RASSF3: variants seen among roughly 807,000 people sequenced by gnomAD.
RASSF3 encodes the protein Ras association domain family member 3.
RASSF3 carries 19 observed loss-of-function variants against 19.9 expected under a neutral mutation model. The observed-to-expected ratio is 0.96, with a 90% CI of 0.67 to 1.40. RASSF3 has a LOEUF of 1.40. RASSF3 is among the 40% of genes most tolerant of loss of function. RASSF3 has a pLI of 0.00. For missense variants in RASSF3, 306 were observed against 289.8 expected, an observed-to-expected ratio of 1.06 and a Z score of -0.41; for synonymous variants, 110 against 104.2, an observed-to-expected ratio of 1.06 and a Z score of -0.34.
intron 1 of RASSF3, among the ~76,000 whole-genome samples, chr12:64,666,759 A>C (rs1872548102): frequency 6.6e-6 from 1 of 152,226 alleles, no homozygotes; most frequent in African/African-American, 2.4e-5. Flanking sequence ...TGAAGGGCAG[A>C]ACCTGTGCTC....
intron 1 of RASSF3, among the ~76,000 whole-genome samples, chr12:64,611,809 G>GCA (rs1870375669): frequency 6.6e-6 from 1 of 152,196 alleles, no homozygotes; most frequent in Non-Finnish European, 1.5e-5. Context: ...CTGTCAGGGT[G>GCA]GTCTTGCCAG....
chr12:64,628,979 GGCTGGAGT>G (rs1871082103), intron 1 of RASSF3, among the ~76,000 whole-genome samples: 1 of 152,048 alleles, frequency 6.6e-6, no homozygotes, highest in South Asian at 2.1e-4. Context: ...TTGTCACCCA[GGCTGGAGT>G]GCAGTGGCGT....
intron 1 of RASSF3, among the ~76,000 whole-genome samples, chr12:64,642,034 G>A (rs1172202023): frequency 6.6e-6 from 1 of 152,018 alleles, no homozygotes; most frequent in South Asian, 2.1e-4. Context: ...GAGCCACCGT[G>A]CTCGGCCTGT....
At chr12:64,586,747 A>T (rs1468632381) in intron 2 of RASSF3, among the ~76,000 whole-genome samples, 1 of 151,730 alleles carries the variant, frequency 6.6e-6, no homozygotes, top group Non-Finnish European at 1.5e-5. Context: ...ACATGGTGAA[A>T]CCCCTTCCCT....
intron 1 of RASSF3, among the ~76,000 whole-genome samples, chr12:64,539,681 T>G (rs1592394203): frequency 1.3e-5 from 2 of 151,988 alleles, no homozygotes; most frequent in Admixed American, 1.3e-4. Context: ...GAGGCTGAGG[T>G]GGGAGGACTG....
intron 1 of RASSF3, among the ~76,000 whole-genome samples, chr12:64,524,867 G>A (rs1368680852): frequency 6.6e-6 from 1 of 152,230 alleles, no homozygotes; most frequent in African/African-American, 2.4e-5. Flanking sequence ...ATGGCAAGCT[G>A]AAGAGTTCAT....
chr12:64,678,313 A>G (rs1426269900), intron 1 of RASSF3, among the ~76,000 whole-genome samples: 1 of 152,230 alleles, frequency 6.6e-6, no homozygotes, highest in Non-Finnish European at 1.5e-5. Flanking sequence ...GCCTATTGCC[A>G]AAAGAGACGA....
At chr12:64,520,699 T>TA (rs901346497) in intron 1 of RASSF3, among the ~76,000 whole-genome samples, 5 of 149,490 alleles carry the variant, frequency 3.3e-5, no homozygotes, top group African/African-American at 7.4e-5. Context: ...TCTTGCTAGC[T>TA]AAAAAAAAGT....
chr12:64,531,988 G>A (rs759744970), upstream of RASSF3, among the ~76,000 whole-genome samples: 58 of 152,202 alleles, frequency 3.8e-4, 1 homozygote, highest in Non-Finnish European at 1.8e-4. Context: ...GAAAAGTAAA[G>A]TAATGCAATC....
intron 1 of RASSF3, among the ~76,000 whole-genome samples, chr12:64,640,401 G>A (rs1871473535): frequency 1.3e-5 from 2 of 152,108 alleles, no homozygotes; most frequent in African/African-American, 2.4e-5. Context: ...CACAGATCTC[G>A]AGGGCTTATT....
At chr12:64,626,918 A>G (rs1284793181) in intron 1 of RASSF3, among the ~76,000 whole-genome samples, 1 of 152,210 alleles carries the variant, frequency 6.6e-6, no homozygotes, top group African/African-American at 2.4e-5. Context: ...CAGTATGTTC[A>G]GTAGAAAGGT....
chr12:64,543,873 C>T (rs765458341), downstream of RASSF3, among the ~76,000 whole-genome samples: 1 of 151,976 alleles, frequency 6.6e-6, no homozygotes, highest in African/African-American at 2.4e-5. Flanking sequence ...CACTCTGTAC[C>T]TAGCTAATCT....
At chr12:64,653,773 C>T (rs1018480274) in intron 1 of RASSF3, among the ~76,000 whole-genome samples, 1 of 152,134 alleles carries the variant, frequency 6.6e-6, no homozygotes, top group Admixed American at 6.6e-5. Flanking sequence ...GTCTTGAATT[C>T]TTGGGCCTTA....
chr12:64,655,935 G>GA (rs1325932440), intron 1 of RASSF3, among the ~76,000 whole-genome samples: 1 of 150,458 alleles, frequency 6.6e-6, no homozygotes, highest in Non-Finnish European at 1.5e-5. Context: ...GCTAAGGCAG[G>GA]AAAATTGCTT....
At chr12:64,572,612 C>T (rs778593735) in intron 2 of RASSF3, among the ~76,000 whole-genome samples, 5 of 152,056 alleles carry the variant, frequency 3.3e-5, no homozygotes, top group Non-Finnish European at 7.4e-5. Context: ...AACCCCAGCA[C>T]CAAGCACAGA....
intron 2 of RASSF3, among the ~76,000 whole-genome samples, chr12:64,604,856 A>C (rs1007474851): frequency 2.7e-5 from 4 of 149,852 alleles, no homozygotes; most frequent in Non-Finnish European, 5.9e-5. Context: ...CGATCTCCTG[A>C]CCTTGTGATC....
chr12:64,670,548 T>C (rs1303074367), intron 1 of RASSF3, among the ~76,000 whole-genome samples: 1 of 149,944 alleles, frequency 6.7e-6, no homozygotes, highest in Non-Finnish European at 1.5e-5. Context: ...CTCTCTCTTT[T>C]TTTTTTTTTT....
At chr12:64,525,023 C>T (rs1868555825) in intron 1 of RASSF3, among the ~76,000 whole-genome samples, 1 of 152,196 alleles carries the variant, frequency 6.6e-6, no homozygotes, top group Admixed American at 6.5e-5. Flanking sequence ...CACCTGTACT[C>T]CCAGCACTTT....
intron 1 of RASSF3, among the ~76,000 whole-genome samples, chr12:64,675,787 A>G (rs1447827209): frequency 6.6e-6 from 1 of 152,144 alleles, no homozygotes; most frequent in Non-Finnish European, 1.5e-5. Flanking sequence ...TGTTCAAAGC[A>G]TGAACAAAGT....
Sources: gnomAD v4.1 joint callset for allele counts (sites outside exome capture counted in the v4.1 genomes callset) on GRCh38, gnomAD v4.1.1 for gene constraint, MANE v1.5 for transcripts, NCBI Gene and HGNC (gene_info 2026-07-23, HGNC 2026-07-21) for gene names.